WWOX: variants seen among roughly 807,000 people sequenced by gnomAD.
WWOX encodes the protein WW domain-containing oxidoreductase.
In WWOX, 69 loss-of-function variants were observed where a neutral mutation model predicts 46.2. The ratio of observed to expected loss-of-function variants is 1.49; its 90% CI spans 1.23 to 1.82. The LOEUF is 1.82. Ranked by LOEUF, WWOX falls within the 40% of genes most tolerant of loss-of-function variation. The probability of loss-of-function intolerance (pLI) is 0.00; values close to 1 mark genes in which losing one functional copy is unlikely to be tolerated. For synonymous variants in WWOX, 359 were observed against 202.6 expected, an observed-to-expected ratio of 1.77 and a Z score of -6.56; for missense variants, 919 against 542.6, an observed-to-expected ratio of 1.69 and a Z score of -6.89.
chr16:79,036,685 C>T (rs775717664), intron 8 of WWOX, among the ~76,000 whole-genome samples: 1 of 152,340 alleles, frequency 6.6e-6, no homozygotes, highest in African/African-American at 2.4e-5. Context: ...GCTGTACCTG[C>T]ACTTGATTGA....
chr16:78,797,806 A>G (rs902807614), intron 8 of WWOX, among the ~76,000 whole-genome samples: 1 of 152,148 alleles, frequency 6.6e-6, no homozygotes, highest in African/African-American at 2.4e-5. Context: ...TGGGCAACAT[A>G]GCAAGTCTCT....
chr16:78,305,327 G>C (rs893719082), intron 5 of WWOX, among the ~76,000 whole-genome samples: 1 of 152,158 alleles, frequency 6.6e-6, no homozygotes, highest in African/African-American at 2.4e-5. Flanking sequence ...TGCCAAGTGA[G>C]CTGGTGTTCT....
intron 8 of WWOX, among the ~76,000 whole-genome samples, chr16:78,923,807 T>G (rs995162642): frequency 6.9e-6 from 1 of 144,466 alleles, no homozygotes; most frequent in African/African-American, 2.6e-5. Context: ...TTTTTTTTTT[T>G]TTTTTTTTTT....
chr16:78,482,142 G>A (rs1007109762), intron 8 of WWOX, among the ~76,000 whole-genome samples: 10 of 152,162 alleles, frequency 6.6e-5, no homozygotes, highest in African/African-American at 2.4e-4. Context: ...ATGGCTTCAT[G>A]TCTTTTTACA....
chr16:78,813,691 T>G (rs2051257559), intron 8 of WWOX, among the ~76,000 whole-genome samples: 1 of 152,160 alleles, frequency 6.6e-6, no homozygotes, highest in African/African-American at 2.4e-5. Context: ...TCACATTCAT[T>G]CGATGTTTGT....
intron 8 of WWOX, among the ~76,000 whole-genome samples, chr16:78,441,500 C>G (rs1005812784): frequency 5.9e-5 from 9 of 152,078 alleles, no homozygotes; most frequent in Admixed American, 3.3e-4. Flanking sequence ...CCAAGGTCCC[C>G]CAGGCTCATG....
At chr16:79,079,938 C>T (rs1220406120) in intron 8 of WWOX, among the ~76,000 whole-genome samples, 1 of 123,262 alleles carries the variant, frequency 8.1e-6, no homozygotes, top group East Asian at 2.0e-4. Flanking sequence ...TTCCTTCCAC[C>T]CCCTGGGATG....
chr16:78,476,634 C>G (rs1031489478), intron 8 of WWOX, among the ~76,000 whole-genome samples: 2 of 150,868 alleles, frequency 1.3e-5, no homozygotes, highest in African/African-American at 4.9e-5. Context: ...AAAAAAAGAA[C>G]TGGAGCATCG....
At chr16:78,113,445 G>A (rs1210348397) in intron 3 of WWOX, among the ~76,000 whole-genome samples, 1 of 152,222 alleles carries the variant, frequency 6.6e-6, no homozygotes, top group Non-Finnish European at 1.5e-5. Context: ...GATGGGCGTT[G>A]TTGTGTTCCA....
chr16:78,318,675 A>C (rs2080403409), intron 5 of WWOX, among the ~76,000 whole-genome samples: 1 of 152,182 alleles, frequency 6.6e-6, no homozygotes, highest in Non-Finnish European at 1.5e-5. Context: ...AATAAATGTT[A>C]AGTGCTTTTA....
intron 5 of WWOX, among the ~76,000 whole-genome samples, chr16:78,230,333 T>TAA (rs2037216357): frequency 6.6e-6 from 1 of 152,194 alleles, no homozygotes; most frequent in Admixed American, 6.5e-5. Context: ...AGGCCTAGTA[T>TAA]TTCAGCTGTG....
At position 78,350,905 on chromosome 16, in the gene WWOX, A is replaced by G. The variant is rs1454555795; in HGVS notation, c.517-35955A>G. On this transcript the variant is annotated intron_variant, in intron 5 of 8. Coordinates refer to ENST00000566780, the MANE Select transcript of WWOX (RefSeq NM_016373.4). ...CTCCACAGCAGCCACACCCATCTAC[A>G]TTCTAACCAGCAGTGTAGGAAGGTT... is the stretch of plus-strand genomic sequence containing the variant. 3.0e-5 allele frequency among the ~76,000 whole-genome samples: 2 copies of G among 67,556 alleles called. 1 individual carries two copies. The highest frequency in any genetic ancestry group is 3.9e-4 in the East Asian group (2 of 5,086). 44.3% of individuals were successfully genotyped at this position (67,556 alleles called of 152,430 possible).
At chr16:78,884,789 A>AT (rs2044418877) in intron 8 of WWOX, among the ~76,000 whole-genome samples, 1 of 152,106 alleles carries the variant, frequency 6.6e-6, no homozygotes, top group Non-Finnish European at 1.5e-5. Context: ...TGTTTTGTGA[A>AT]TTTTTTTGCA....
At chr16:79,167,101 C>A (rs9938972) in intron 8 of WWOX, among the ~76,000 whole-genome samples, 1,535 of 152,090 alleles carry the variant, frequency 0.01, 26 homozygotes, top group African/African-American at 0.034. Context: ...CTACCACGGC[C>A]GGCTAATTTT....
intron 5 of WWOX, among the ~76,000 whole-genome samples, chr16:78,320,724 G>T (rs908068668): frequency 2.0e-5 from 3 of 152,076 alleles, no homozygotes; most frequent in African/African-American, 7.2e-5. Flanking sequence ...TGTTTCTCTT[G>T]GTTATTGACA....
At chr16:78,613,826 T>C (rs2045956337) in intron 8 of WWOX, among the ~76,000 whole-genome samples, 1 of 152,156 alleles carries the variant, frequency 6.6e-6, no homozygotes. Context: ...TTTTCAAATT[T>C]TAAGAAGAGA....
chr16:78,834,995 T>G (rs1462492733), intron 8 of WWOX, among the ~76,000 whole-genome samples: 5 of 152,192 alleles, frequency 3.3e-5, no homozygotes, highest in Admixed American at 2.0e-4. Context: ...CAAACTGTAT[T>G]TCCAGTCTTC....
At chr16:78,367,811 C>T (rs971261553) in intron 5 of WWOX, among the ~76,000 whole-genome samples, 3 of 151,808 alleles carry the variant, frequency 2.0e-5, no homozygotes, top group Non-Finnish European at 4.4e-5. Flanking sequence ...GGCTGGAGTG[C>T]AGTGGTGCAA....
At chr16:78,594,159 G>A (rs1466557245) in intron 8 of WWOX, among the ~76,000 whole-genome samples, 4 of 151,530 alleles carry the variant, frequency 2.6e-5, no homozygotes, top group Non-Finnish European at 5.9e-5. Context: ...CCTTTAACCT[G>A]TCCTCTGCTT....
Sources: gnomAD v4.1 joint callset for allele counts (sites outside exome capture counted in the v4.1 genomes callset) on GRCh38, gnomAD v4.1.1 for gene constraint, MANE v1.5 for transcripts, NCBI Gene and HGNC (gene_info 2026-07-23, HGNC 2026-07-21) for gene names.